CCAR1: variants seen among roughly 807,000 people sequenced by gnomAD.
The protein encoded by CCAR1 is cell division cycle and apoptosis regulator protein 1.
Under a neutral mutation model 163.8 loss-of-function variants are expected in CCAR1, and 78 were observed. That is an observed-to-expected ratio of 0.48 (90% CI 0.40 to 0.57). The LOEUF is 0.57. Ranked by LOEUF, CCAR1 falls within the 20% of genes least tolerant of loss-of-function variation. The probability of loss-of-function intolerance (pLI) is 0.00; values close to 1 mark genes in which losing one functional copy is unlikely to be tolerated. For synonymous variants in CCAR1, 443 were observed against 460.7 expected (o/e 0.96, Z 0.49); for missense variants, 1,019 against 1,365.2 (o/e 0.75, Z 4.00).
At chr10:68,781,440 G>A (rs1025455633) in intron 19 of CCAR1, among the ~76,000 whole-genome samples, 1 of 152,122 alleles carries the variant, frequency 6.6e-6, no homozygotes, top group African/African-American at 2.4e-5. Context: ...CTACTCGGGA[G>A]GCTGAGGCAG....
intron 19 of CCAR1, among the ~76,000 whole-genome samples, chr10:68,778,892 C>T (rs757977926): frequency 2.0e-5 from 3 of 152,188 alleles, no homozygotes. Flanking sequence ...CGCTCTGTCA[C>T]CAGGCTGGAG....
intron 10 of CCAR1, among the ~76,000 whole-genome samples, chr10:68,751,288 A>G (rs1009338784): frequency 1.3e-5 from 2 of 151,818 alleles, no homozygotes; most frequent in Admixed American, 6.6e-5. Flanking sequence ...CAGCCTCCCA[A>G]AGTGCTGGGA....
chr10:68,731,444 G>C (rs1207711074), intron 2 of CCAR1, among the ~76,000 whole-genome samples: 1 of 152,088 alleles, frequency 6.6e-6, no homozygotes, highest in Non-Finnish European at 1.5e-5. Context: ...ATTTATAAAA[G>C]ATATAATCAC....
intron 11 of CCAR1, 60 bp downstream of exon 11, chr10:68,754,137 G>A (rs910846693): frequency 1.7e-6 from 2 of 1,178,196 alleles, no homozygotes; most frequent in Non-Finnish European, 1.2e-6. Context: ...TAATAAAAGG[G>A]TATGTAGAAT....
rs1029312521 is a variant in CCAR1 at position 68,792,328 on chromosome 10, T to C, written c.*1062T>C. On this transcript the variant is annotated 3_prime_UTR_variant, in exon 25 of 25. Transcript: ENST00000265872. ...AGTACCAAGCCAGTAGATGTCAGTA[T>C]GATGCCTTAAATTAAGTCTTCTTTA... The C allele has an allele frequency of 6.6e-6, 1 of 152,220 alleles. No individual in the cohort carries two copies. The highest frequency in any genetic ancestry group is 1.5e-5 in the Non-Finnish European group (1 of 68,046). 9.4% of individuals were successfully genotyped at this position (152,220 alleles called of 1,614,324 possible).
intron 19 of CCAR1, among the ~76,000 whole-genome samples, chr10:68,774,674 T>C (rs991499065): frequency 6.6e-6 from 1 of 151,740 alleles, no homozygotes; most frequent in Non-Finnish European, 1.5e-5. Context: ...TAACAAAGAC[T>C]ATCATAATGC....
At chr10:68,740,808 G>A in intron 5 of CCAR1, 147 bp downstream of exon 5, 1 of 556,126 alleles carries the variant, frequency 1.8e-6, no homozygotes, top group Non-Finnish European at 3.1e-6. Context: ...AAAGGTAGTA[G>A]TATGCTAGTT....
At chr10:68,775,256 A>G (rs2133407738) in intron 19 of CCAR1, among the ~76,000 whole-genome samples, 1 of 152,298 alleles carries the variant, frequency 6.6e-6, no homozygotes, top group South Asian at 2.1e-4. Context: ...AATAGCATCT[A>G]TTATTACTAT....
intron 4 of CCAR1, among the ~76,000 whole-genome samples, chr10:68,740,279 A>G (rs888000926): frequency 3.9e-5 from 6 of 152,222 alleles, no homozygotes; most frequent in African/African-American, 1.4e-4. Context: ...TTAAGTGCCT[A>G]TCATTGAATG....
chr10:68,747,405 C>T lies in CCAR1; in HGVS notation c.665C>T (p.Thr222Ile), dbSNP rs1300915942. The change falls in exon 8 of 25, where the codon ACT (threonine) becomes ATT (isoleucine). Residue 222 changes from threonine to isoleucine, a missense_variant. Coordinates refer to ENST00000265872, the MANE Select transcript of CCAR1 (RefSeq NM_018237.4). ...NQSQTQPLLK[T>I]PPAVLQPIAP... is the part of the protein sequence containing the mutation. ...TCGCAAACCCAGCCATTACTGAAGA[C>T]TCCTCCTGCTGTACTTCAGCCAATT... 6.2e-7 allele frequency: 1 copy of T among 1,613,828 alleles called. No homozygotes were observed. The highest frequency in any genetic ancestry group is 2.2e-5 in the East Asian group (1 of 44,896).
At chr10:68,755,623 T>G (rs1254238993) in intron 13 of CCAR1, 87 bp downstream of exon 13, 3 of 1,158,080 alleles carry the variant, frequency 2.6e-6, no homozygotes, top group Non-Finnish European at 3.6e-6. Flanking sequence ...CCCCCCGGCT[T>G]ATTTTAGCAA....
rs780719859 is a variant in CCAR1 at position 68,737,095 on chromosome 10, A to G, written c.246+47A>G. 6 of 1,351,686 alleles carry G rather than the reference A, an allele frequency of 4.4e-6. No individual in the cohort carries two copies. The South Asian group carries it at 6.1e-5, about 14-fold the overall frequency. The allele number at this position is 1,351,686 out of a possible 1,614,324, so 83.7% of individuals were successfully genotyped here. On this transcript the variant is annotated intron_variant, in intron 3 of 24. Transcript: ENST00000265872. ...TTATTTGATGTAGAAAACTTTATGAAATCTGAGTAGCTAGCATTGCTACCT... is the reference window on the plus strand; with the variant it reads ...TTATTTGATGTAGAAAACTTTATGAGATCTGAGTAGCTAGCATTGCTACCT...
In CCAR1 at chr10:68,771,382, A is replaced by G. The variant is rs1006186223; in HGVS notation, c.2475A>G (p.Pro825=). The G allele has an allele frequency of 6.3e-7, 1 of 1,596,156 alleles. No individual in the cohort carries two copies. Residue 825 remains proline, a synonymous_variant, in exon 18 of 25, where the codon CCA becomes CCG. Coordinates refer to ENST00000265872, the MANE Select transcript of CCAR1 (RefSeq NM_018237.4). ...KEERDDETDE[P]KPKRRKSGDD... is the part of the protein sequence containing the mutation. The stretch of plus-strand genomic sequence containing the variant: ...AAAGAGATGATGAAACTGATGAACC[A>G]AAACCCAAACGGAGAAAATCAGGCG...
At chr10:68,779,974 G>A (rs1274945939) in intron 19 of CCAR1, among the ~76,000 whole-genome samples, 2 of 152,070 alleles carry the variant, frequency 1.3e-5, no homozygotes, top group African/African-American at 4.8e-5. Flanking sequence ...GGAAAAAATA[G>A]GACATGATCA....
chr10:68,760,984 GT>G, intron 15 of CCAR1, 22 bp from the exon 16 acceptor site: 1 of 1,043,740 alleles, frequency 9.6e-7, no homozygotes, highest in South Asian at 2.7e-5. Context: ...TTTTTTCCGT[GT>G]TTTTCTGCTC....
Position 68,749,696 on chromosome 10 carries a change from C to G in CCAR1, c.1118+11C>G. On this transcript the variant is annotated intron_variant, in intron 10 of 24. Transcript: ENST00000265872. Reference sequence around the variant, plus strand: ...GTTTTCTTTAGATTGGTAGGTTATTCCCCACCCATTGTTTTCTTGAGTTAC... The same window carrying G: ...GTTTTCTTTAGATTGGTAGGTTATTGCCCACCCATTGTTTTCTTGAGTTAC... 1 of 1,587,894 alleles carries G rather than the reference C, an allele frequency of 6.3e-7. No individual in the cohort carries two copies. The highest frequency in any genetic ancestry group is 1.1e-5 in the South Asian group (1 of 89,002).
At position 68,765,921 on chromosome 10, in the gene CCAR1, C is replaced by G; in HGVS notation, c.2140C>G (p.Arg714Gly). ...EERKRQEEIE[R>G]QRRERRYILP... is the part of the protein sequence containing the mutation. ...AAGGAAACGTCAAGAGGAAATAGAA[C>G]GCCAGCGTCGAGAAAGAAGATATAT... Residue 714 changes from arginine to glycine, a missense_variant, in exon 17 of 25, where the codon CGC becomes GGC. Physicochemically the swap from Arg to Gly is moderately radical, Grantham distance 125. This residue lies in a region of CCAR1 where 644 missense variants were observed against 904.4 expected (regional missense o/e 0.71). Coordinates refer to ENST00000265872, the MANE Select transcript of CCAR1 (RefSeq NM_018237.4). The G allele has an allele frequency of 6.2e-7, 1 of 1,613,444 alleles. No homozygotes were observed. The highest frequency in any genetic ancestry group is 8.5e-7 in the Non-Finnish European group (1 of 1,179,814).
In CCAR1 at chr10:68,722,453, A is replaced by G; in HGVS notation, c.-50-2A>G. 2 of 1,378,330 alleles carry G rather than the reference A, an allele frequency of 1.5e-6. No homozygotes were observed. Among genetic ancestry groups the G allele is most frequent in the South Asian group, 1.2e-5 (1 of 86,318 alleles). The allele number at this position is 1,378,330 out of a possible 1,614,324, so 85.4% of individuals were successfully genotyped here. A position where few individuals can be genotyped will look rare whatever the true frequency, so the allele number is the denominator to read the frequency against. ...TTAAAATGTGGATCCTTTTCTTGAT[A>G]GATCGATGCTATAGAAGACAAACAA... On this transcript the variant is annotated splice_acceptor_variant, in intron 1 of 24. Coordinates refer to ENST00000265872, the MANE Select transcript of CCAR1 (RefSeq NM_018237.4). LOFTEE classifies it low-confidence loss of function (5UTR_SPLICE).
chr10:68,787,878 A>C lies in CCAR1; in HGVS notation c.2881-49A>C, dbSNP rs764254270. The C allele has an allele frequency of 5.2e-6, 8 of 1,526,430 alleles. No homozygotes were observed. In the South Asian group the frequency reaches 8.4e-5, roughly 16 times the overall value. 94.6% of individuals were successfully genotyped at this position (1,526,430 alleles called of 1,614,324 possible). On this transcript the variant is annotated intron_variant, in intron 21 of 24. Transcript: ENST00000265872. The stretch of plus-strand genomic sequence containing the variant: ...ATATCATAGTTTTTCTAAGAGAATC[A>C]AGAAATGTATTTTCATCTCTGTATT...
Sources: gnomAD v4.1 joint callset for allele counts (sites outside exome capture counted in the v4.1 genomes callset) on GRCh38, gnomAD v4.1.1 for gene constraint, gnomAD v4.1.1 regional missense constraint, MANE v1.5 for transcripts, NCBI Gene and HGNC (gene_info 2026-07-23, HGNC 2026-07-21) for gene names.